Variants in PCDHGA2 observed in about 807,000 individuals in gnomAD.
PCDHGA2 encodes the protein protocadherin gamma-A2.
PCDHGA2 carries 40 observed loss-of-function variants against 59.2 expected under a neutral mutation model. The observed-to-expected ratio is 0.68, with a 90% CI of 0.52 to 0.88. The LOEUF (loss-of-function observed/expected upper bound fraction) is 0.88, where lower values mean the gene tolerates loss of function less well. Among genes scored for constraint, PCDHGA2 ranks in the 40% least tolerant of loss-of-function variants. The pLI, the probability that PCDHGA2 is intolerant of heterozygous loss-of-function variation, is 0.00. For synonymous variants in PCDHGA2, 560 were observed against 526.0 expected, an observed-to-expected ratio of 1.06 and a Z score of -0.89; for missense variants, 1,226 against 1,204.0, an observed-to-expected ratio of 1.02 and a Z score of -0.27.
intron 1 of PCDHGA2, chr5:141,360,527 C>T (rs763036184): frequency 2.5e-6 from 4 of 1,613,910 alleles, no homozygotes; most frequent in Admixed American, 3.3e-5. Flanking sequence ...GATAATACCC[C>T]GCTATTCAAA....
intron 1 of PCDHGA2, chr5:141,389,603 C>A: frequency 6.2e-7 from 1 of 1,613,148 alleles, no homozygotes; most frequent in Non-Finnish European, 8.5e-7. Flanking sequence ...CTGCGCTCTT[C>A]GATATGGTGC....
At chr5:141,370,837 C>G (rs1212771531) in intron 1 of PCDHGA2, 1 of 1,614,004 alleles carries the variant, frequency 6.2e-7, no homozygotes, top group Non-Finnish European at 8.5e-7. Context: ...CTGGCTCTCA[C>G]TGGAGCCACA....
chr5:141,474,579 G>A (rs1340685342), intron 1 of PCDHGA2, among the ~76,000 whole-genome samples: 3 of 152,196 alleles, frequency 2.0e-5, no homozygotes, highest in Non-Finnish European at 4.4e-5. Flanking sequence ...TAATTGAAGT[G>A]TTAAAGACAT....
intron 1 of PCDHGA2, among the ~76,000 whole-genome samples, chr5:141,481,820 C>T (rs2099545799): frequency 6.6e-6 from 1 of 150,726 alleles, no homozygotes; most frequent in Non-Finnish European, 1.5e-5. Context: ...GGCGTGGTGG[C>T]TGAGGCAGGA....
intron 1 of PCDHGA2, among the ~76,000 whole-genome samples, chr5:141,480,274 G>A (rs111260319): frequency 6.6e-6 from 1 of 152,036 alleles, no homozygotes; most frequent in Non-Finnish European, 1.5e-5. Context: ...CATTAGCTGG[G>A]TGTGTTGGCA....
chr5:141,345,309 G>A lies in PCDHGA2; in HGVS notation c.2424+3914G>A, dbSNP rs373514702. 3.1e-6 allele frequency: 5 copies of A among 1,613,854 alleles called. No homozygotes were observed. Among genetic ancestry groups the A allele is most frequent in the Non-Finnish European group, 4.2e-6 (5 of 1,179,894 alleles). On this transcript the variant is annotated intron_variant, in intron 1 of 3. Coordinates refer to ENST00000394576, the MANE Select transcript of PCDHGA2 (RefSeq NM_018915.4). ...ATATAACATTAGTCTGAGAGCCTCA[G>A]ATGGGGGAAGCCCGCCACTGTCCAC...
At chr5:141,465,241 G>C (rs2099099198) in intron 1 of PCDHGA2, among the ~76,000 whole-genome samples, 1 of 151,964 alleles carries the variant, frequency 6.6e-6, no homozygotes, top group South Asian at 2.1e-4. Flanking sequence ...CAAGTTCAAG[G>C]CACTTTTGTA....
chr5:141,431,111 G>A lies in PCDHGA2; in HGVS notation c.2425-63696G>A, dbSNP rs2097343539. The A allele has an allele frequency of 1.9e-6, 3 of 1,614,110 alleles. No individual in the cohort carries two copies. Among genetic ancestry groups the A allele is most frequent in the Non-Finnish European group, 2.5e-6 (3 of 1,180,034 alleles). On this transcript the variant is annotated intron_variant, in intron 1 of 3. Coordinates refer to ENST00000394576, the MANE Select transcript of PCDHGA2 (RefSeq NM_018915.4). This position sits in a 1 kb window ranked among gnomAD's most constrained non-coding sequence, Gnocchi z 4.8. ...GATGGAGGATAAAGTGAAAATATAT[G>A]GAGTAGAAGTAGAAGTAAGGGACAT...
At chr5:141,410,458 T>A in intron 1 of PCDHGA2, 1 of 1,614,040 alleles carries the variant, frequency 6.2e-7, no homozygotes, top group African/African-American at 1.3e-5. Flanking sequence ...CTTATTCTTA[T>A]AATCTGTGCA....
intron 1 of PCDHGA2, among the ~76,000 whole-genome samples, chr5:141,448,838 T>C (rs2098609981): frequency 6.6e-6 from 1 of 151,802 alleles, no homozygotes; most frequent in Non-Finnish European, 1.5e-5. Flanking sequence ...CCAGCTACTC[T>C]GGAGGCTGAG....
At chr5:141,430,781 C>T (rs559701152) in intron 1 of PCDHGA2, 6 of 1,510,922 alleles carry the variant, frequency 4.0e-6, no homozygotes, top group South Asian at 2.7e-5. Context: ...GCGACTGCAC[C>T]GGGACTACAA....
At chr5:141,500,116 C>T (rs1458562489) in intron 2 of PCDHGA2, among the ~76,000 whole-genome samples, 4 of 149,046 alleles carry the variant, frequency 2.7e-5, no homozygotes, top group Admixed American at 2.0e-4. Context: ...GAATCCCTGC[C>T]TTTTCATATA....
intron 1 of PCDHGA2, chr5:141,413,152 G>C: frequency 1.3e-6 from 2 of 1,574,694 alleles, no homozygotes; most frequent in Non-Finnish European, 1.7e-6. Flanking sequence ...TGAGGACTTT[G>C]CAGAATTCTG....
At chr5:141,366,613 G>A (rs555802357) in intron 1 of PCDHGA2, 93 of 1,614,096 alleles carry the variant, frequency 5.8e-5, no homozygotes, top group African/African-American at 8.0e-5. Context: ...CCCTCACCGC[G>A]GACTCGAGGA....
In PCDHGA2 at chr5:141,487,087, C is replaced by G. The variant is rs752261507; in HGVS notation, c.2425-7720C>G. 1.2e-6 allele frequency: 2 copies of G among 1,613,890 alleles called. No homozygotes were observed. Among genetic ancestry groups the G allele is most frequent in the Non-Finnish European group, 1.7e-6 (2 of 1,179,804 alleles). ...CGGCTGTTCCTATCCCAGCTGACCT[C>G]CCACCACAGAAGCTGGTCATTGTGG... On this transcript the variant is annotated intron_variant, in intron 1 of 3. Transcript: ENST00000394576. The surrounding 1 kb of genome is among the most constrained non-coding windows in gnomAD (Gnocchi z 5.0).
At chr5:141,394,982 C>CCTGCTCCA (rs2093142772) in intron 1 of PCDHGA2, 2 of 1,613,866 alleles carry the variant, frequency 1.2e-6, no homozygotes, top group South Asian at 2.2e-5. Flanking sequence ...ACAAGTCACG[C>CCTGCTCCA]CTGCTCCAGG....
At position 141,372,683 on chromosome 5, in the gene PCDHGA2, C is replaced by T. The variant is rs764987054; in HGVS notation, c.2424+31288C>T. On this transcript the variant is annotated intron_variant, in intron 1 of 3. Coordinates refer to ENST00000394576, the MANE Select transcript of PCDHGA2 (RefSeq NM_018915.4). The stretch of plus-strand genomic sequence containing the variant: ...GTGCTGCCTCACATTCCTCAAACAC[C>T]GAGTTTAAATTTCTCAATATAAAGG... The T allele has an allele frequency of 1.9e-6, 3 of 1,613,826 alleles. No homozygotes were observed. In the African/African-American group the frequency reaches 4.0e-5, roughly 22 times the overall value.
chr5:141,407,977 G>A (rs943554200), intron 1 of PCDHGA2: 7 of 747,538 alleles, frequency 9.4e-6, no homozygotes, highest in African/African-American at 8.8e-5. Context: ...TGACGCCGGG[G>A]ATCCGTCAGC....
chr5:141,356,559 T>G (rs779037970), intron 1 of PCDHGA2: 1 of 1,614,140 alleles, frequency 6.2e-7, no homozygotes, highest in Non-Finnish European at 8.5e-7. Context: ...CCACTTTCCC[T>G]CATGCTTCCT....
Sources: allele counts gnomAD v4.1 joint callset (sites outside exome capture counted in the v4.1 genomes callset), GRCh38; gene constraint gnomAD v4.1.1; non-coding constraint Gnocchi (gnomAD v3.1); transcripts MANE v1.5; gene names NCBI Gene and HGNC (gene_info 2026-07-23, HGNC 2026-07-21).